Variants in SLC4A5 observed in about 807,000 individuals in gnomAD.
SLC4A5 encodes electrogenic sodium bicarbonate cotransporter 4.
SLC4A5 carries 96 observed loss-of-function variants against 120.4 expected under a neutral mutation model. That is an observed-to-expected ratio of 0.80 (90% CI 0.68 to 0.94). The LOEUF (loss-of-function observed/expected upper bound fraction) is 0.94, where lower values mean the gene tolerates loss of function less well. Ranked by LOEUF, SLC4A5 falls within the 40% of genes least tolerant of loss-of-function variation. The probability of loss-of-function intolerance (pLI) is 0.00; values close to 1 mark genes in which losing one functional copy is unlikely to be tolerated. For synonymous variants in SLC4A5, 550 were observed against 571.1 expected, an observed-to-expected ratio of 0.96 and a Z score of 0.53; for missense variants, 1,259 against 1,459.5, an observed-to-expected ratio of 0.86 and a Z score of 2.24.
At chr2:74,232,612 C>G (rs1285926074) in exon 24 of SLC4A5, 1 of 1,613,812 alleles carries the variant, frequency 6.2e-7, no homozygotes, top group Admixed American at 1.7e-5. Context: ...TGAGGATGCC[C>G]ACCCAGAACA....
intron 7 of SLC4A5, 133 bp from the exon 8 acceptor site, chr2:74,286,035 C>T (rs1217340943): frequency 1.0e-6 from 1 of 979,750 alleles, no homozygotes; most frequent in African/African-American, 1.7e-5. Context: ...AGTCCAGCTC[C>T]TGGGTGATGC....
exon 12 of SLC4A5, chr2:74,259,606 G>A (rs1463961275): frequency 6.2e-7 from 1 of 1,614,210 alleles, no homozygotes; most frequent in Non-Finnish European, 8.5e-7. Context: ...TGTTTGGGGT[G>A]AGAGAAATGT....
intron 3 of SLC4A5, among the ~76,000 whole-genome samples, chr2:74,336,173 T>C (rs566240418): frequency 3.9e-5 from 6 of 152,302 alleles, no homozygotes; most frequent in Non-Finnish European, 7.4e-5. Flanking sequence ...GCTCAAGCGA[T>C]TCTCCTGCCT....
At chr2:74,301,485 G>C (rs1019012050) in intron 7 of SLC4A5, among the ~76,000 whole-genome samples, 1 of 152,216 alleles carries the variant, frequency 6.6e-6, no homozygotes, top group East Asian at 1.9e-4. Flanking sequence ...TATGCAGCCA[G>C]ACCAGCTGGG....
chr2:74,301,127 A>G (rs1416232047), intron 7 of SLC4A5, among the ~76,000 whole-genome samples: 1 of 152,178 alleles, frequency 6.6e-6, no homozygotes, highest in East Asian at 1.9e-4. Flanking sequence ...TGCAGCATAT[A>G]TTAAAGCCAC....
chr2:74,239,624 A>G (rs1384768300), intron 20 of SLC4A5, 89 bp from the exon 21 acceptor site: 3 of 1,323,108 alleles, frequency 2.3e-6, no homozygotes, highest in Non-Finnish European at 3.2e-6. Context: ...GGCAGCCAGC[A>G]TACCTTCCCA....
At chr2:74,280,134 G>T (rs1208448769) in intron 8 of SLC4A5, among the ~76,000 whole-genome samples, 1 of 152,118 alleles carries the variant, frequency 6.6e-6, no homozygotes, top group Non-Finnish European at 1.5e-5. Flanking sequence ...TGCATCATCA[G>T]CCCTGCCATT....
intron 8 of SLC4A5, among the ~76,000 whole-genome samples, chr2:74,282,050 G>T (rs982686482): frequency 1.3e-5 from 2 of 152,198 alleles, no homozygotes; most frequent in Admixed American, 1.3e-4. Context: ...CCACTGGCCT[G>T]TCAACTGAAG....
intron 21 of SLC4A5, 24 bp from the exon 22 acceptor site, chr2:74,235,238 A>G: frequency 6.3e-7 from 1 of 1,594,926 alleles, no homozygotes; most frequent in Non-Finnish European, 8.6e-7. Context: ...ATGAGCAAGT[A>G]AAAGAAGTGA....
chr2:74,259,792 C>T (rs1305616335), intron 11 of SLC4A5, 149 bp from the exon 12 acceptor site: 1 of 713,280 alleles, frequency 1.4e-6, no homozygotes, highest in African/African-American at 1.8e-5. Flanking sequence ...AACTAGCATC[C>T]TCTCACTTTC....
chr2:74,305,408 C>A (rs945888554), intron 6 of SLC4A5, among the ~76,000 whole-genome samples: 2 of 152,130 alleles, frequency 1.3e-5, no homozygotes, highest in Non-Finnish European at 2.9e-5. Flanking sequence ...GAGCAGACAG[C>A]ACACAGAGTT....
At chr2:74,260,666 C>A (rs540549155) in intron 11 of SLC4A5, among the ~76,000 whole-genome samples, 51 of 152,108 alleles carry the variant, frequency 3.4e-4, no homozygotes, top group Admixed American at 5.9e-4. Context: ...TCACCTCCTA[C>A]TTCCCACCAG....
intron 7 of SLC4A5, among the ~76,000 whole-genome samples, chr2:74,287,573 C>T (rs1044844840): frequency 6.6e-6 from 1 of 152,142 alleles, no homozygotes; most frequent in Non-Finnish European, 1.5e-5. Context: ...AAGGGTTTCC[C>T]CTCAGCAAGT....
At chr2:74,318,615 G>T (rs1315572532) in intron 5 of SLC4A5, among the ~76,000 whole-genome samples, 1 of 151,990 alleles carries the variant, frequency 6.6e-6, no homozygotes, top group African/African-American at 2.4e-5. Context: ...GAACCCAGAA[G>T]GCAGAGGTTG....
At chr2:74,292,420 C>T (rs1258239343) in intron 7 of SLC4A5, among the ~76,000 whole-genome samples, 5 of 152,206 alleles carry the variant, frequency 3.3e-5, no homozygotes, top group Admixed American at 6.5e-5. Context: ...TCACCACATG[C>T]TGGGCCACTG....
intron 8 of SLC4A5, among the ~76,000 whole-genome samples, chr2:74,267,764 G>A (rs1671349718): frequency 6.6e-6 from 1 of 152,248 alleles, no homozygotes; most frequent in African/African-American, 2.4e-5. Context: ...GGGAGGCCCA[G>A]GTGGGTGGAT....
chr2:74,276,212 C>G, intron 8 of SLC4A5, among the ~76,000 whole-genome samples: 1 of 152,122 alleles, frequency 6.6e-6, no homozygotes, highest in East Asian at 1.9e-4. Flanking sequence ...GGGAAGAGAT[C>G]ATCTGTGCAC....
chr2:74,269,014 A>C (rs894062067), intron 8 of SLC4A5, among the ~76,000 whole-genome samples: 1 of 152,244 alleles, frequency 6.6e-6, no homozygotes, highest in Non-Finnish European at 1.5e-5. Flanking sequence ...CTGGGAGGTG[A>C]AGACCTGAAA....
chr2:74,229,719 C>T (rs2103902592), intron 25 of SLC4A5, among the ~76,000 whole-genome samples: 1 of 152,216 alleles, frequency 6.6e-6, no homozygotes, highest in South Asian at 2.1e-4. Flanking sequence ...TAATTTGTTT[C>T]CCCCACAAGG....
Sources: allele counts gnomAD v4.1 joint callset (sites outside exome capture counted in the v4.1 genomes callset), GRCh38; gene constraint gnomAD v4.1.1; transcripts MANE v1.5; gene names NCBI Gene and HGNC (gene_info 2026-07-23, HGNC 2026-07-21).